Variants in ADAM10 observed in about 807,000 individuals in gnomAD.
ADAM10 encodes the protein ADAM metallopeptidase domain 10.
A neutral mutation model predicts 90.1 loss-of-function variants in ADAM10; 17 were observed. That is an observed-to-expected ratio of 0.19 (90% CI 0.13 to 0.28). The LOEUF is 0.28. Ranked by LOEUF, ADAM10 falls within the 10% of genes least tolerant of loss-of-function variation. The pLI is 1.00. For synonymous variants in ADAM10, 310 were observed against 298.6 expected, an observed-to-expected ratio of 1.04 and a Z score of -0.40; for missense variants, 610 against 914.3, an observed-to-expected ratio of 0.67 and a Z score of 4.29.
At chr15:58,644,163 T>G (rs1290780395) in intron 6 of ADAM10, among the ~76,000 whole-genome samples, 185 bp from the exon 7 acceptor site, 2 of 151,636 alleles carry the variant, frequency 1.3e-5, no homozygotes, top group East Asian at 3.9e-4. Flanking sequence ...GAGATTCTAC[T>G]TTCTTTTCCA....
At chr15:58,731,189 T>C (rs1356110864) in intron 1 of ADAM10, among the ~76,000 whole-genome samples, 1 of 152,104 alleles carries the variant, frequency 6.6e-6, no homozygotes, top group East Asian at 1.9e-4. Flanking sequence ...TTCAAAATAC[T>C]GAAGGGGAAA....
intron 10 of ADAM10, 115 bp downstream of exon 10, chr15:58,627,585 T>C (rs1363881171): frequency 2.2e-5 from 19 of 850,694 alleles, no homozygotes; most frequent in Non-Finnish European, 3.2e-5. Context: ...TACAGCAAAG[T>C]GTTAGCAATA....
chr15:58,739,972 A>G (rs1167723927), intron 1 of ADAM10, among the ~76,000 whole-genome samples: 2 of 152,226 alleles, frequency 1.3e-5, no homozygotes, highest in East Asian at 3.8e-4. Context: ...AGTCTTAATA[A>G]CACATATTAT....
chr15:58,647,262 T>C lies in ADAM10; in HGVS notation c.586-1058A>G, dbSNP rs1194917351. 2.7e-5 allele frequency among the ~76,000 whole-genome samples: 3 copies of C among 110,136 alleles called. 1 individual carries two copies. In the Admixed American group the frequency reaches 2.8e-4, roughly 10 times the overall value. The allele number at this position is 110,136 out of a possible 152,430, so 72.3% of individuals were successfully genotyped here. ...AGACACTAAGTATTTTTTTTTTTTT[T>C]TTTTTTTTTTTTTTTTGAGACAGAG... On this transcript the variant is annotated intron_variant, in intron 5 of 15. Transcript: ENST00000260408.
Position 58,655,717 on chromosome 15 carries a change from A to AGTGTG in ADAM10, c.585+9379_585+9380insCACAC, listed in dbSNP as rs1316558058. On this transcript the variant is annotated intron_variant, in intron 5 of 15. Coordinates refer to ENST00000260408, the MANE Select transcript of ADAM10 (RefSeq NM_001110.4). ...TATAGTATATATATATATAGTATAT[A>AGTGTG]TATATATATATATATATATATATTC... Among the ~76,000 whole-genome samples, 13 of 55,422 alleles carry AGTGTG rather than the reference A, an allele frequency of 2.3e-4. No homozygotes were observed. In the East Asian group the frequency reaches 8.5e-3, roughly 36 times the overall value. The allele number at this position is 55,422 out of a possible 152,430, so 36.4% of individuals were successfully genotyped here. A position where few individuals can be genotyped will look rare whatever the true frequency, so the allele number is the denominator to read the frequency against.
intron 5 of ADAM10, among the ~76,000 whole-genome samples, chr15:58,656,967 G>C (rs994046976): frequency 6.6e-6 from 1 of 152,132 alleles, no homozygotes; most frequent in Admixed American, 6.5e-5. Context: ...TGAATATACT[G>C]CTATAGGATA....
intron 4 of ADAM10, among the ~76,000 whole-genome samples, chr15:58,676,989 G>T (rs1897315235): frequency 6.6e-6 from 1 of 152,130 alleles, no homozygotes; most frequent in Non-Finnish European, 1.5e-5. Context: ...CAGAGAATTT[G>T]CGAACCACGG....
chr15:58,633,423 A>T, intron 8 of ADAM10, 64 bp from the exon 9 acceptor site: 1 of 1,338,622 alleles, frequency 7.5e-7, no homozygotes, highest in Admixed American at 1.7e-5. Context: ...AAAAGGTAAT[A>T]CATGCTATAT....
At chr15:58,698,288 G>C (rs776300438) in intron 2 of ADAM10, 2 of 450,152 alleles carry the variant, frequency 4.4e-6, no homozygotes, top group Non-Finnish European at 4.4e-6. Flanking sequence ...ACCAAAGACA[G>C]ATATCATAGG....
chr15:58,716,414 T>C (rs1054357719), intron 2 of ADAM10, among the ~76,000 whole-genome samples: 4 of 152,162 alleles, frequency 2.6e-5, no homozygotes, highest in Non-Finnish European at 5.9e-5. Flanking sequence ...AATTAAAAAG[T>C]AAAGTGTCTA....
In ADAM10 at chr15:58,593,289, C is replaced by A. The variant is rs1017996956; in HGVS notation, c.*4258G>T. 4 of 149,996 alleles carry A rather than the reference C, an allele frequency of 2.7e-5. No homozygotes were observed. Among genetic ancestry groups the A allele is most frequent in the African/African-American group, 9.8e-5 (4 of 40,790 alleles). 9.3% of individuals were successfully genotyped at this position (149,996 alleles called of 1,614,324 possible). A position where few individuals can be genotyped will look rare whatever the true frequency, so the allele number is the denominator to read the frequency against. ...CTGCCTCCTGGGTTCAAGCAAATCT[C>A]CTGCCTCTGCCTCCCGGGTTCAAGC... On this transcript the variant is annotated 3_prime_UTR_variant, in exon 16 of 16. Coordinates refer to ENST00000260408, the MANE Select transcript of ADAM10 (RefSeq NM_001110.4).
intron 4 of ADAM10, among the ~76,000 whole-genome samples, chr15:58,668,236 G>C (rs1402640018): frequency 1.3e-5 from 2 of 152,128 alleles, no homozygotes; most frequent in Non-Finnish European, 2.9e-5. Flanking sequence ...GTTTCTAAAA[G>C]TGTCTTGTAC....
chr15:58,688,780 A>C (rs1208032776), intron 2 of ADAM10, among the ~76,000 whole-genome samples: 1 of 130,930 alleles, frequency 7.6e-6, no homozygotes, highest in East Asian at 2.3e-4. Flanking sequence ...ATATATATAT[A>C]TATATATCTC....
chr15:58,593,852 CACAA>C lies in ADAM10; in HGVS notation c.*3691_*3694del, dbSNP rs1566960414. On this transcript the variant is annotated 3_prime_UTR_variant, in exon 16 of 16. Coordinates refer to ENST00000260408, the MANE Select transcript of ADAM10 (RefSeq NM_001110.4). ...TACATACATGTATATATCTAAGACA[CACAA>C]ACAATATAGTAATATAAAACAGAAG... is the stretch of plus-strand genomic sequence containing the variant. The C allele has an allele frequency of 6.6e-6, 1 of 152,096 alleles. No homozygotes were observed. The highest frequency in any genetic ancestry group is 1.5e-5 in the Non-Finnish European group (1 of 68,016). The allele number at this position is 152,096 out of a possible 1,614,324, so 9.4% of individuals were successfully genotyped here.
At position 58,592,433 on chromosome 15, in the gene ADAM10, C is replaced by T. The variant is rs1894843005; in HGVS notation, c.*5114G>A. The T allele has an allele frequency of 6.6e-6, 1 of 152,180 alleles. No individual in the cohort carries two copies. The allele number at this position is 152,180 out of a possible 1,614,324, so 9.4% of individuals were successfully genotyped here. ...CTTGCAGATATTATCCTTGCTGATG[C>T]TAAAGTTATCTCAGCCTTGGCCAGT... On this transcript the variant is annotated 3_prime_UTR_variant, in exon 16 of 16. Coordinates refer to ENST00000260408, the MANE Select transcript of ADAM10 (RefSeq NM_001110.4).
rs1488615479 is a variant in ADAM10 at position 58,591,540 on chromosome 15, G to A, written c.*6007C>T. On this transcript the variant is annotated 3_prime_UTR_variant, in exon 16 of 16. Transcript: ENST00000260408. ...GGCCTCCCAAAGTGTTGGGATTACA[G>A]GTATGAGCCATCACAACTGGCCACA... 2 of 152,060 alleles carry A rather than the reference G, an allele frequency of 1.3e-5. No individual in the cohort carries two copies. Among genetic ancestry groups the A allele is most frequent in the Non-Finnish European group, 2.9e-5 (2 of 68,026 alleles). 9.4% of individuals were successfully genotyped at this position (152,060 alleles called of 1,614,324 possible). A position where few individuals can be genotyped will look rare whatever the true frequency, so the allele number is the denominator to read the frequency against.
At chr15:58,729,263 C>A (rs180697532) in intron 1 of ADAM10, among the ~76,000 whole-genome samples, 1 of 152,292 alleles carries the variant, frequency 6.6e-6, no homozygotes, top group Admixed American at 6.5e-5. Flanking sequence ...CTAACAAGTT[C>A]TTTCAACTAC....
chr15:58,628,996 CAAT>C (rs1358413271), intron 9 of ADAM10, among the ~76,000 whole-genome samples: 5 of 152,114 alleles, frequency 3.3e-5, no homozygotes, highest in Admixed American at 3.3e-4. Flanking sequence ...TACTATTCAC[CAAT>C]ATTATCTTGC....
In ADAM10 at chr15:58,749,611, G is replaced by A; in HGVS notation, c.-77C>T. ...CATCGATCCGGAGGGAGAAGCTGAA[G>A]GGGCTTGGTCCGGAGCCTCCACGGG... On this transcript the variant is annotated 5_prime_UTR_variant, in exon 1 of 16. Transcript: ENST00000260408. The A allele has an allele frequency of 1.3e-6, 2 of 1,547,076 alleles. No homozygotes were observed. Among genetic ancestry groups the A allele is most frequent in the Middle Eastern group, 1.7e-4 (1 of 5,980 alleles).
Sources: allele counts gnomAD v4.1 joint callset (sites outside exome capture counted in the v4.1 genomes callset), GRCh38; gene constraint gnomAD v4.1.1; transcripts MANE v1.5; gene names NCBI Gene and HGNC (gene_info 2026-07-23, HGNC 2026-07-21).